The following SV2C variants were observed in gnomAD, a reference collection of about 807,000 sequenced individuals.
The protein encoded by SV2C is synaptic vesicle glycoprotein 2C, also known as solute carrier family 22 member B3.
In SV2C, 49 loss-of-function variants were observed where a neutral mutation model predicts 79.7. The ratio of observed to expected loss-of-function variants is 0.61; its 90% CI spans 0.49 to 0.78. The LOEUF (loss-of-function observed/expected upper bound fraction) is 0.78. SV2C is among the 30% of genes least tolerant of loss of function. SV2C has a pLI of 0.00. For missense variants in SV2C, 833 were observed against 912.9 expected (o/e 0.91, Z 1.13); for synonymous variants, 334 against 333.2 (o/e 1.00, Z -0.03).
At chr5:75,852,825 C>CAAAAAAAA in the SV2C span, among the ~76,000 whole-genome samples, 2 of 81,080 alleles carry the variant, frequency 2.5e-5, no homozygotes, top group African/African-American at 4.1e-5. Flanking sequence ...GACTCCGTCT[C>CAAAAAAAA]AAAAAAAAAA....
At chr5:76,190,990 T>C (rs1234492795) in intron 2 of SV2C, among the ~76,000 whole-genome samples, 1 of 152,164 alleles carries the variant, frequency 6.6e-6, no homozygotes. Context: ...TGTAAGTCAA[T>C]TCTCACACTG....
At chr5:76,158,680 C>T (rs926993631) in intron 2 of SV2C, among the ~76,000 whole-genome samples, 3 of 151,942 alleles carry the variant, frequency 2.0e-5, no homozygotes, top group African/African-American at 7.2e-5. Flanking sequence ...GCATGAACAA[C>T]ACTAAAAGCC....
At chr5:76,009,991 G>T in the SV2C span, among the ~76,000 whole-genome samples, 418 of 112,536 alleles carry the variant, frequency 3.7e-3, no homozygotes, top group African/African-American at 0.011. Flanking sequence ...TATCTATTTT[G>T]TTTTTTTTTT....
At chr5:76,318,531 T>A (rs1378721264) in intron 12 of SV2C, among the ~76,000 whole-genome samples, 1 of 152,104 alleles carries the variant, frequency 6.6e-6, no homozygotes, top group African/African-American at 2.4e-5. Context: ...GGTGGCCACA[T>A]CCCCACCAGG....
chr5:76,204,782 C>T (rs946867393), intron 3 of SV2C, among the ~76,000 whole-genome samples: 3 of 152,308 alleles, frequency 2.0e-5, no homozygotes, highest in Non-Finnish European at 2.9e-5. Context: ...CCTGAAACAG[C>T]GTACATCAGT....
chr5:75,994,186 T>C, the SV2C span, among the ~76,000 whole-genome samples: 1 of 152,084 alleles, frequency 6.6e-6, no homozygotes, highest in African/African-American at 2.4e-5. Context: ...TTTAAAAACG[T>C]AAATCATGTC....
chr5:76,277,331 T>A (rs1458495424), intron 4 of SV2C, among the ~76,000 whole-genome samples: 1 of 152,234 alleles, frequency 6.6e-6, no homozygotes, highest in Non-Finnish European at 1.5e-5. Flanking sequence ...CACCCAAAAC[T>A]GGAAACAATC....
Position 76,300,808 on chromosome 5 carries a change from C to G in SV2C, c.1716C>G (p.Thr572=). 1 of 1,614,114 alleles carries G rather than the reference C, an allele frequency of 6.2e-7. No individual in the cohort carries two copies. Among genetic ancestry groups the G allele is most frequent in the South Asian group, 1.1e-5 (1 of 91,076 alleles). The change falls in exon 11 of 13, where the codon ACC becomes ACG. Residue 572 remains threonine (T), a synonymous_variant. Coordinates refer to ENST00000502798, the MANE Select transcript of SV2C (RefSeq NM_014979.4). The part of the protein sequence containing the change: ...FFHNKTGCQI[T]FDDDYSAYWI... ...ACAACAAGACGGGATGTCAGATTAC[C>G]TTTGATGATGACTATAGTGCCTACT... is the stretch of plus-strand genomic sequence containing the variant.
chr5:75,950,400 A>G, the SV2C span, among the ~76,000 whole-genome samples: 1 of 152,060 alleles, frequency 6.6e-6, no homozygotes, highest in South Asian at 2.1e-4. Flanking sequence ...TTAGGAAGTT[A>G]TTGTCCATCT....
chr5:76,040,202 A>G, the SV2C span, among the ~76,000 whole-genome samples: 1 of 152,360 alleles, frequency 6.6e-6, no homozygotes, highest in East Asian at 1.9e-4. Flanking sequence ...CAACTAAGGA[A>G]CACAGAAGAT....
chr5:76,049,324 GAA>G, the SV2C span, among the ~76,000 whole-genome samples: 3 of 107,022 alleles, frequency 2.8e-5, no homozygotes, highest in Non-Finnish European at 6.0e-5. Flanking sequence ...GTGACAGAGC[GAA>G]AAAAAAAAAA....
At chr5:75,906,846 A>G in the SV2C span, among the ~76,000 whole-genome samples, 1 of 152,120 alleles carries the variant, frequency 6.6e-6, no homozygotes, top group Non-Finnish European at 1.5e-5. Context: ...GAAATTTGTC[A>G]ATGTCTAGAA....
the SV2C span, among the ~76,000 whole-genome samples, chr5:75,944,782 T>C: frequency 6.6e-6 from 1 of 152,080 alleles, no homozygotes; most frequent in South Asian, 2.1e-4. Flanking sequence ...AGGAGAAAAG[T>C]ACCCATTTCT....
the SV2C span, among the ~76,000 whole-genome samples, chr5:75,883,391 C>A: frequency 6.9e-6 from 1 of 145,022 alleles, no homozygotes; most frequent in African/African-American, 2.8e-5. Context: ...CACATGCACA[C>A]GTATGTTTAT....
chr5:75,877,980 A>G, the SV2C span, among the ~76,000 whole-genome samples: 4 of 152,228 alleles, frequency 2.6e-5, no homozygotes, highest in African/African-American at 7.2e-5. Context: ...AGTGATGAAA[A>G]TGTTCTAAAA....
chr5:76,173,578 T>C (rs1287149701), intron 2 of SV2C: 2 of 1,548,106 alleles, frequency 1.3e-6, no homozygotes, highest in Non-Finnish European at 1.8e-6. Flanking sequence ...CACTGTTGAA[T>C]TGGGCAACAG....
At chr5:75,965,386 TGGA>T in the SV2C span, among the ~76,000 whole-genome samples, 2 of 152,204 alleles carry the variant, frequency 1.3e-5, no homozygotes, top group African/African-American at 4.8e-5. Context: ...TGGGGCCTCT[TGGA>T]GGTGATTAGG....
At chr5:76,305,383 G>A (rs1039366224) in intron 12 of SV2C, among the ~76,000 whole-genome samples, 2 of 152,160 alleles carry the variant, frequency 1.3e-5, no homozygotes, top group Non-Finnish European at 2.9e-5. Flanking sequence ...TCTCAGGGGT[G>A]GGTTCTAGGA....
At chr5:75,865,423 GT>G in the SV2C span, among the ~76,000 whole-genome samples, 2 of 152,164 alleles carry the variant, frequency 1.3e-5, no homozygotes, top group Non-Finnish European at 2.9e-5. Flanking sequence ...CTCATGCTTG[GT>G]TTATAGATGG....
Sources: gnomAD v4.1 joint callset for allele counts (sites outside exome capture counted in the v4.1 genomes callset) on GRCh38, gnomAD v4.1.1 for gene constraint, MANE v1.5 for transcripts, NCBI Gene and HGNC (gene_info 2026-07-23, HGNC 2026-07-21) for gene names.